The following KMT2C variants were observed in gnomAD, a reference collection of about 807,000 sequenced individuals.
The protein encoded by KMT2C is lysine methyltransferase 2C, also known as histone-lysine N-methyltransferase 2C.
A neutral mutation model predicts 507.9 loss-of-function variants in KMT2C; 88 were observed. The ratio of observed to expected loss-of-function variants is 0.17; its 90% CI spans 0.15 to 0.21. The LOEUF (loss-of-function observed/expected upper bound fraction) is 0.21, where lower values mean the gene tolerates loss of function less well. Ranked by LOEUF, KMT2C falls within the 10% of genes least tolerant of loss-of-function variation. The pLI, the probability that KMT2C is intolerant of heterozygous loss-of-function variation, is 1.00. For missense variants in KMT2C, 4,954 were observed against 5,957.8 expected, an observed-to-expected ratio of 0.83 and a Z score of 5.55; for synonymous variants, 2,049 against 2,080.8, an observed-to-expected ratio of 0.98 and a Z score of 0.42.
intron 2 of KMT2C, among the ~76,000 whole-genome samples, chr7:152,346,619 C>A (rs2097059557): frequency 6.6e-6 from 1 of 152,106 alleles, no homozygotes; most frequent in Admixed American, 6.6e-5. Context: ...ATACAGTTGA[C>A]CCTTGAACAA....
chr7:152,304,893 T>C (rs1004327945), intron 6 of KMT2C, among the ~76,000 whole-genome samples: 5 of 152,284 alleles, frequency 3.3e-5, no homozygotes, highest in South Asian at 4.1e-4. Flanking sequence ...CTAAGTTCAA[T>C]AGCTATATCG....
intron 31 of KMT2C, among the ~76,000 whole-genome samples, chr7:152,193,356 A>T (rs1343072406): frequency 6.6e-6 from 1 of 152,170 alleles, no homozygotes; most frequent in Non-Finnish European, 1.5e-5. Flanking sequence ...AGTTGTAAGT[A>T]GGCAGAAGAA....
At chr7:152,375,624 G>A (rs2097323521) in intron 1 of KMT2C, among the ~76,000 whole-genome samples, 1 of 151,920 alleles carries the variant, frequency 6.6e-6, no homozygotes, top group South Asian at 2.1e-4. Flanking sequence ...GACCTCAGGT[G>A]ATCCACCCGC....
At chr7:152,329,565 G>C (rs1169496778) in intron 3 of KMT2C, among the ~76,000 whole-genome samples, 1 of 149,728 alleles carries the variant, frequency 6.7e-6, no homozygotes, top group Admixed American at 6.7e-5. Context: ...GTAAGACCTT[G>C]CCTCAAAAAA....
At chr7:152,237,581 T>C (rs1481198327) in intron 15 of KMT2C, among the ~76,000 whole-genome samples, 2 of 152,196 alleles carry the variant, frequency 1.3e-5, no homozygotes, top group Non-Finnish European at 2.9e-5. Flanking sequence ...CACTGCAACC[T>C]CCGTCTCCTG....
intron 52 of KMT2C, 149 bp from the exon 53 acceptor site, chr7:152,146,884 T>G: frequency 1.3e-6 from 1 of 780,928 alleles, no homozygotes; most frequent in African/African-American, 1.7e-5. Flanking sequence ...TTGGTAATAA[T>G]CTAATGAACC....
chr7:152,173,332 C>T (rs879276156), intron 39 of KMT2C, among the ~76,000 whole-genome samples: 3 of 152,188 alleles, frequency 2.0e-5, no homozygotes, highest in Non-Finnish European at 4.4e-5. Context: ...AATTGAGGCT[C>T]TATGCTTACT....
In KMT2C at chr7:152,163,253, T is replaced by A; in HGVS notation, c.10324A>T (p.Ser3442Cys). 6.2e-7 allele frequency: 1 copy of A among 1,614,240 alleles called. No individual in the cohort carries two copies. The highest frequency in any genetic ancestry group is 8.5e-7 in the Non-Finnish European group (1 of 1,180,032). Residue 3442 changes from serine to cysteine, a missense_variant, in exon 43 of 59, where the codon AGT (serine) becomes TGT (cysteine). This residue lies in a region of KMT2C where 801 missense variants were observed against 751.2 expected (regional missense o/e 1.07). Coordinates refer to ENST00000262189, the MANE Select transcript of KMT2C (RefSeq NM_170606.3). The part of the protein sequence containing the change: ...EQHGMVGSEI[S>C]SSRTSVSQIP... ...TGGGACACAGATGTCCTACTACTAC[T>A]TATCTCAGAGCCCACCATACCATGC...
chr7:152,163,133 C>T lies in KMT2C; in HGVS notation c.10444G>A (p.Val3482Ile), dbSNP rs587778505. ...TGTTGTATATTCTGCTGCTGTAAAA[C>T]CTGCCCCATTTGCTGTTGGTGTTGT... is the stretch of plus-strand genomic sequence containing the variant. ...SPQHQQQMGQ[V>I]LQQQNIQQGS... is the part of the protein sequence containing the mutation. Residue 3482 changes from valine (V) to isoleucine (I), a missense_variant, in exon 43 of 59, where the codon GTT becomes ATT. Physicochemically the swap from Val to Ile is conservative, Grantham distance 29 (BLOSUM62 3). Transcript: ENST00000262189. The T allele has an allele frequency of 6.8e-6, 11 of 1,614,210 alleles. No individual in the cohort carries two copies. In the East Asian group the frequency reaches 2.5e-4, roughly 36 times the overall value.
chr7:152,149,121 A>G lies in KMT2C; in HGVS notation c.12806T>C (p.Met4269Thr), dbSNP rs895237296. ...ESIPSLPQSP[M>T]RETPSKAFHQ... ...AAATGCTTTGGAAGGCGTTTCTCTC[A>G]TAGGTGATTGTGGCAATGAAGGAAT... The change falls in exon 52 of 59, where the codon ATG becomes ACG. Residue 4269 changes from methionine (M) to threonine (T), a missense_variant. Physicochemically the swap from Met to Thr is moderately conservative, Grantham distance 81. This residue lies in a region of KMT2C where 417 missense variants were observed against 461.1 expected (regional missense o/e 0.90). Transcript: ENST00000262189. 3.4e-6 allele frequency: 5 copies of G among 1,475,818 alleles called. No individual in the cohort carries two copies. The highest frequency in any genetic ancestry group is 2.8e-5 in the African/African-American group (2 of 70,940). 91.4% of individuals were successfully genotyped at this position (1,475,818 alleles called of 1,614,324 possible).
At chr7:152,244,148 T>C (rs1206186550) in intron 14 of KMT2C, among the ~76,000 whole-genome samples, 1 of 152,220 alleles carries the variant, frequency 6.6e-6, no homozygotes, top group African/African-American at 2.4e-5. Context: ...GAGCATTCCT[T>C]ACAGTATTCA....
intron 1 of KMT2C, chr7:152,367,226 T>C (rs970528307): frequency 2.7e-6 from 4 of 1,480,470 alleles, no homozygotes; most frequent in South Asian, 2.4e-5. Flanking sequence ...GCAGTGTGTT[T>C]TGATGTTGAC....
chr7:152,145,787 G>C (rs2091046352), intron 53 of KMT2C, among the ~76,000 whole-genome samples: 1 of 152,140 alleles, frequency 6.6e-6, no homozygotes, highest in Admixed American at 6.5e-5. Flanking sequence ...GATGTGATGA[G>C]GTTATCGCTC....
chr7:152,223,531 C>T (rs1454374663), intron 20 of KMT2C, among the ~76,000 whole-genome samples: 4 of 152,138 alleles, frequency 2.6e-5, no homozygotes. Context: ...CAGTGGCTCA[C>T]ACCTATAATC....
chr7:152,220,762 A>C (rs2094739290), intron 22 of KMT2C, 27 bp from the exon 23 acceptor site: 1 of 1,527,538 alleles, frequency 6.5e-7, no homozygotes, highest in East Asian at 2.3e-5. Context: ...CCAAGGATAC[A>C]AATTTAAACT....
intron 42 of KMT2C, 108 bp downstream of exon 42, chr7:152,167,038 T>TAA (rs2092761971): frequency 1.2e-6 from 1 of 849,806 alleles, no homozygotes; most frequent in Admixed American, 2.5e-5. Context: ...TAATGCCATT[T>TAA]AATACTAGTC....
intron 2 of KMT2C, among the ~76,000 whole-genome samples, chr7:152,340,207 C>T (rs1215265360): frequency 2.0e-5 from 3 of 148,636 alleles, no homozygotes; most frequent in African/African-American, 2.5e-5. Context: ...AGGCTGGTCT[C>T]GAACTCCTGG....
At chr7:152,200,495 G>A (rs918542229) in intron 26 of KMT2C, among the ~76,000 whole-genome samples, 9 of 152,166 alleles carry the variant, frequency 5.9e-5, no homozygotes, top group African/African-American at 1.9e-4. Flanking sequence ...TTGGGAGGCC[G>A]AGGTAGGTGG....
chr7:152,284,358 A>C (rs2096264818), intron 6 of KMT2C, among the ~76,000 whole-genome samples: 1 of 152,176 alleles, frequency 6.6e-6, no homozygotes, highest in Non-Finnish European at 1.5e-5. Flanking sequence ...GAGAGCAATA[A>C]ATAGTCTTTT....
Sources: gnomAD v4.1 joint callset for allele counts (sites outside exome capture counted in the v4.1 genomes callset) on GRCh38, gnomAD v4.1.1 for gene constraint, gnomAD v4.1.1 regional missense constraint, MANE v1.5 for transcripts, NCBI Gene and HGNC (gene_info 2026-07-23, HGNC 2026-07-21) for gene names.